Variants in TTC27 observed in about 807,000 individuals in gnomAD.
TTC27 encodes the protein tetratricopeptide repeat protein 27.
Under a neutral mutation model 115.9 loss-of-function variants are expected in TTC27, and 79 were observed. The observed-to-expected ratio is 0.68, with a 90% confidence interval of 0.57 to 0.82. The LOEUF is 0.82. Ranked by LOEUF, TTC27 falls within the 40% of genes least tolerant of loss-of-function variation. TTC27 has a pLI of 0.00. For synonymous variants in TTC27, 401 were observed against 356.0 expected (o/e 1.13, Z -1.42); for missense variants, 1,054 against 993.1 (o/e 1.06, Z -0.82).
chr2:32,646,659 G>T (rs1414573619), intron 4 of TTC27, among the ~76,000 whole-genome samples: 1 of 150,534 alleles, frequency 6.6e-6, no homozygotes, highest in Non-Finnish European at 1.5e-5. Context: ...CACCTTCCGG[G>T]TTCATGCCAT....
chr2:32,664,912 AACC>A (rs1183683970), intron 6 of TTC27, among the ~76,000 whole-genome samples: 5 of 150,532 alleles, frequency 3.3e-5, no homozygotes, highest in African/African-American at 1.2e-4. Context: ...GGCTCACTGC[AACC>A]TTGGCCTCCT....
chr2:32,655,855 A>G (rs369047403), intron 5 of TTC27, among the ~76,000 whole-genome samples: 17 of 152,266 alleles, frequency 1.1e-4, no homozygotes, highest in African/African-American at 3.4e-4. Flanking sequence ...GTACTATTCA[A>G]TATGGTAGCC....
Position 32,758,352 on chromosome 2 carries a change from C to G in TTC27, c.1513C>G (p.Leu505Val). 6.2e-7 allele frequency: 1 copy of G among 1,614,210 alleles called. No homozygotes were observed. The change falls in exon 13 of 20, where the codon CTT (leucine) becomes GTT (valine). Residue 505 changes from leucine (L) to valine (V), a missense_variant. Coordinates refer to ENST00000317907, the MANE Select transcript of TTC27 (RefSeq NM_017735.5). ...KKETPSLYCL[L>V]GDVLGDHSCY... ...AGAAACGCCTAGTTTATACTGCTTG[C>G]TTGGAGATGTCCTCGGAGACCATTC...
chr2:32,715,650 T>C (rs1221620716), intron 10 of TTC27, among the ~76,000 whole-genome samples: 2 of 152,174 alleles, frequency 1.3e-5, no homozygotes, highest in African/African-American at 4.8e-5. Context: ...AGATTATTGC[T>C]CCTGTGTGGG....
intron 6 of TTC27, 94 bp from the exon 7 acceptor site, chr2:32,666,541 G>T: frequency 7.6e-7 from 1 of 1,308,476 alleles, no homozygotes; most frequent in Non-Finnish European, 1.0e-6. Context: ...AAAATACCTT[G>T]TAAACTCTAA....
chr2:32,647,899 G>A (rs1306054735), intron 4 of TTC27, among the ~76,000 whole-genome samples: 1 of 151,896 alleles, frequency 6.6e-6, no homozygotes, highest in Non-Finnish European at 1.5e-5. Flanking sequence ...GTAACTAAAA[G>A]GAAAACTAAT....
intron 13 of TTC27, among the ~76,000 whole-genome samples, chr2:32,775,540 T>C (rs1472439546): frequency 2.0e-5 from 3 of 152,140 alleles, no homozygotes; most frequent in Admixed American, 2.0e-4. Flanking sequence ...ATAGTATCTG[T>C]TCTTTGCTGA....
At chr2:32,782,067 G>T (rs1404706982) in intron 14 of TTC27, among the ~76,000 whole-genome samples, 1 of 152,088 alleles carries the variant, frequency 6.6e-6, no homozygotes, top group Non-Finnish European at 1.5e-5. Flanking sequence ...TATCATTCTT[G>T]TTTGAATCAA....
chr2:32,753,763 C>T (rs1669103223), intron 12 of TTC27, among the ~76,000 whole-genome samples: 1 of 151,140 alleles, frequency 6.6e-6, no homozygotes. Context: ...CCCTAACATT[C>T]ACATAGAACT....
At chr2:32,709,807 G>T (rs983370487) in intron 10 of TTC27, among the ~76,000 whole-genome samples, 5 of 152,138 alleles carry the variant, frequency 3.3e-5, no homozygotes, top group African/African-American at 7.2e-5. Context: ...GAGCAAAGAG[G>T]GAAGGTGAAG....
chr2:32,646,557 G>GTTATTTGGT (rs1664867496), intron 4 of TTC27, among the ~76,000 whole-genome samples: 1 of 114,502 alleles, frequency 8.7e-6, no homozygotes, highest in Non-Finnish European at 1.7e-5. Context: ...TCTATATTTG[G>GTTATTTGGT]TTTTTTTTTT....
At chr2:32,680,928 C>T (rs577978598) in intron 9 of TTC27, among the ~76,000 whole-genome samples, 13 of 152,114 alleles carry the variant, frequency 8.5e-5, no homozygotes, top group Non-Finnish European at 1.9e-4. Context: ...AACCTATTCT[C>T]CTTCCCTTGC....
intron 15 of TTC27, among the ~76,000 whole-genome samples, chr2:32,785,471 C>A (rs570975845): frequency 6.0e-4 from 91 of 152,098 alleles, no homozygotes; most frequent in African/African-American, 2.1e-3. Context: ...CTCATTCTTT[C>A]CTCTCTTTCC....
At chr2:32,811,352 A>G in intron 17 of TTC27, 131 bp downstream of exon 17, 3 of 854,368 alleles carry the variant, frequency 3.5e-6, no homozygotes, top group Non-Finnish European at 5.4e-6. Context: ...TTCAGTTCTG[A>G]TTCAGTCTTT....
chr2:32,730,741 C>A (rs1161592322), intron 10 of TTC27, among the ~76,000 whole-genome samples: 1 of 151,864 alleles, frequency 6.6e-6, no homozygotes, highest in African/African-American at 2.4e-5. Flanking sequence ...CCTGCCTCAG[C>A]CTCCCAAGTA....
chr2:32,766,115 T>C (rs1208738895), intron 13 of TTC27, among the ~76,000 whole-genome samples: 2 of 152,250 alleles, frequency 1.3e-5, no homozygotes, highest in Non-Finnish European at 2.9e-5. Context: ...TTTCGGCCTG[T>C]CTCAGTTTTC....
chr2:32,810,086 G>C (rs1197313995), intron 16 of TTC27, among the ~76,000 whole-genome samples: 1 of 145,782 alleles, frequency 6.9e-6, no homozygotes, highest in Non-Finnish European at 1.5e-5. Context: ...CTGCACTCCA[G>C]CCTGGGCAAC....
chr2:32,673,248 G>A (rs1166490097), intron 8 of TTC27, among the ~76,000 whole-genome samples: 1 of 144,990 alleles, frequency 6.9e-6, no homozygotes, highest in Non-Finnish European at 1.5e-5. Flanking sequence ...TCCTAAGATG[G>A]AGTTTTGCTA....
At chr2:32,643,789 C>G (rs1325435671) in intron 4 of TTC27, among the ~76,000 whole-genome samples, 1 of 151,866 alleles carries the variant, frequency 6.6e-6, no homozygotes, top group African/African-American at 2.4e-5. Context: ...AATACCAGCA[C>G]TTTGGGAGGC....
Sources: gnomAD v4.1 joint callset for allele counts (sites outside exome capture counted in the v4.1 genomes callset) on GRCh38, gnomAD v4.1.1 for gene constraint, MANE v1.5 for transcripts, NCBI Gene and HGNC (gene_info 2026-07-23, HGNC 2026-07-21) for gene names.